The following ARHGAP32 variants were observed in gnomAD, a reference collection of about 807,000 sequenced individuals.
ARHGAP32 encodes Rho GTPase activating protein 32.
Under a neutral mutation model 186.5 loss-of-function variants are expected in ARHGAP32, and 51 were observed. That is an observed-to-expected ratio of 0.27 (90% CI 0.22 to 0.35). The LOEUF (loss-of-function observed/expected upper bound fraction) is 0.35. Ranked by LOEUF, ARHGAP32 falls within the 10% of genes least tolerant of loss-of-function variation. The pLI is 1.00. For missense variants in ARHGAP32, 2,186 were observed against 2,623.5 expected (o/e 0.83, Z 3.64); for synonymous variants, 950 against 964.3 (o/e 0.99, Z 0.27).
chr11:129,177,329 T>A (rs901462795), intron 1 of ARHGAP32, among the ~76,000 whole-genome samples: 1 of 152,054 alleles, frequency 6.6e-6, no homozygotes, highest in South Asian at 2.1e-4. Flanking sequence ...CAGGACCAGA[T>A]GGATTCACAG....
intron 2 of ARHGAP32, among the ~76,000 whole-genome samples, chr11:129,154,643 T>C (rs1463828959): frequency 6.6e-6 from 1 of 152,086 alleles, no homozygotes; most frequent in Non-Finnish European, 1.5e-5. Context: ...GAAAACCAAA[T>C]ACCGTTATGT....
Position 128,972,928 on chromosome 11 carries a change from T to A in ARHGAP32, c.3578A>T (p.His1193Leu). ...AGACTGGTCTTCAGGGAAACTTACA[T>A]GATCATCAGACTTCTCTGAGTCTAA... ...VPLDSEKSDDHVSFPEDQSGK... is the reference protein window; with the variant it reads ...VPLDSEKSDDLVSFPEDQSGK... Residue 1193 changes from histidine to leucine, a missense_variant, in exon 22 of 23, where the codon CAT becomes CTT. This residue lies in a region of ARHGAP32 where 1,502 missense variants were observed against 1,570.0 expected (regional missense o/e 0.96). Transcript: ENST00000682385. 1.2e-5 allele frequency: 19 copies of A among 1,614,056 alleles called. No homozygotes were observed. Among genetic ancestry groups the A allele is most frequent in the Non-Finnish European group, 1.5e-5 (18 of 1,180,020 alleles).
chr11:129,201,438 A>C (rs1020554324), intron 1 of ARHGAP32, among the ~76,000 whole-genome samples: 1 of 152,190 alleles, frequency 6.6e-6, no homozygotes, highest in Non-Finnish European at 1.5e-5. Context: ...GAAAAATACT[A>C]TAACGGTATA....
rs1945228152 is a variant in ARHGAP32, at chr11:128,966,630, T to C, written c.*2277A>G. On this transcript the variant is annotated 3_prime_UTR_variant, in exon 23 of 23. Coordinates refer to ENST00000682385, the MANE Select transcript of ARHGAP32 (RefSeq NM_001378024.1). ...TTCGAGGAATTAACCCTACTATTTA[T>C]AAAATAGGTTTTAGTTTCAGGACTA... The C allele has an allele frequency of 6.6e-6, 1 of 152,180 alleles. No individual in the cohort carries two copies. The highest frequency in any genetic ancestry group is 1.5e-5 in the Non-Finnish European group (1 of 68,020). 9.4% of individuals were successfully genotyped at this position (152,180 alleles called of 1,614,324 possible). A position where few individuals can be genotyped will look rare whatever the true frequency, so the allele number is the denominator to read the frequency against.
chr11:129,177,836 G>C (rs1433927748), intron 1 of ARHGAP32, among the ~76,000 whole-genome samples: 1 of 152,152 alleles, frequency 6.6e-6, no homozygotes, highest in East Asian at 1.9e-4. Flanking sequence ...ATATCATACT[G>C]AATGGGCAAA....
chr11:129,172,601 A>C (rs1943791588), intron 1 of ARHGAP32, among the ~76,000 whole-genome samples: 1 of 152,234 alleles, frequency 6.6e-6, no homozygotes. Flanking sequence ...AATCTCTCAG[A>C]CCACAGTGCA....
In ARHGAP32 at chr11:128,984,681, G is replaced by A. The variant is rs116936316; in HGVS notation, c.1526+1322C>T. On this transcript the variant is annotated intron_variant, in intron 15 of 22. Transcript: ENST00000682385. ...CATGTACATATTAATAGCAGGCAAG[G>A]TATGAAATCCAGGTAGGGCATACAT... Among the ~76,000 whole-genome samples the A allele has an allele frequency of 1.6e-3, 239 of 152,114 alleles. 1 individual carries two copies. Among genetic ancestry groups the A allele is most frequent in the Non-Finnish European group, 2.8e-3 (190 of 67,994 alleles).
chr11:128,994,959 T>C (rs867237546), intron 12 of ARHGAP32, among the ~76,000 whole-genome samples: 1 of 152,184 alleles, frequency 6.6e-6, no homozygotes, highest in Admixed American at 6.5e-5. Context: ...GTTAATTTTT[T>C]TTCTAGTCAT....
intron 5 of ARHGAP32, among the ~76,000 whole-genome samples, chr11:129,104,572 G>T (rs1441374682): frequency 6.6e-6 from 1 of 150,580 alleles, no homozygotes; most frequent in Non-Finnish European, 1.5e-5. Flanking sequence ...AACCTTAAAA[G>T]AAATTAAGAC....
intron 2 of ARHGAP32, among the ~76,000 whole-genome samples, chr11:129,129,203 CTG>C: frequency 7.1e-6 from 1 of 141,488 alleles, no homozygotes; most frequent in African/African-American, 2.6e-5. Flanking sequence ...GCCGCACCGT[CTG>C]GGAAGTGAGG....
chr11:129,173,622 C>T (rs776532097), intron 1 of ARHGAP32, among the ~76,000 whole-genome samples: 27 of 152,280 alleles, frequency 1.8e-4, no homozygotes, highest in Admixed American at 5.2e-4. Context: ...TTATCCACCA[C>T]GATCAAGTCG....
chr11:129,206,815 T>C (rs542187613), intron 1 of ARHGAP32, among the ~76,000 whole-genome samples: 2 of 152,040 alleles, frequency 1.3e-5, no homozygotes, highest in South Asian at 4.2e-4. Context: ...GTAGGTTTGT[T>C]ACATAGGTAT....
At chr11:129,244,037 A>G (rs4245084) in intron 1 of ARHGAP32, among the ~76,000 whole-genome samples, 97,610 of 152,134 alleles carry the variant, frequency 0.64, 31,639 homozygotes, top group Admixed American at 0.75. Flanking sequence ...GGCACAACAG[A>G]AAATAAGAGA....
At position 129,066,715 on chromosome 11, in the gene ARHGAP32, T is replaced by G. The variant is rs575761782; in HGVS notation, c.669+16A>C. The G allele has an allele frequency of 1.2e-6, 2 of 1,608,956 alleles. No homozygotes were observed. Among genetic ancestry groups the G allele is most frequent in the African/African-American group, 1.3e-5 (1 of 74,638 alleles). On this transcript the variant is annotated intron_variant, in intron 7 of 22. Coordinates refer to ENST00000682385, the MANE Select transcript of ARHGAP32 (RefSeq NM_001378024.1). ...ATATAGTGATTACCTCTGTACTAAA[T>G]GTACTAAATGCTTACCTCTGGACTG... is the stretch of plus-strand genomic sequence containing the variant.
intron 11 of ARHGAP32, among the ~76,000 whole-genome samples, chr11:129,008,418 C>G (rs10893948): frequency 0.2 from 30,544 of 151,992 alleles, 3,195 homozygotes; most frequent in African/African-American, 0.22. Context: ...CTAGATAGAA[C>G]ACTAGATGGG....
chr11:128,988,176 C>G, intron 12 of ARHGAP32, 51 bp from the exon 13 acceptor site: 1 of 1,334,134 alleles, frequency 7.5e-7, no homozygotes, highest in Non-Finnish European at 1.0e-6. Context: ...TCACTGGAAC[C>G]AAAGTTGCCA....
In ARHGAP32 at chr11:129,022,849, T is replaced by A. The variant is rs559863325; in HGVS notation, c.1045+18079A>T. 3.7e-4 allele frequency among the ~76,000 whole-genome samples: 56 copies of A among 152,244 alleles called. No individual in the cohort carries two copies. In the South Asian group the frequency reaches 0.01, roughly 28 times the overall value. Reference sequence around the variant, plus strand: ...TGCTCTAATTTTCTTAAATATAAACTTAACCTAAGACATTTTAGATTTCTA... The same window carrying A: ...TGCTCTAATTTTCTTAAATATAAACATAACCTAAGACATTTTAGATTTCTA... On this transcript the variant is annotated intron_variant, in intron 11 of 22. Coordinates refer to ENST00000682385, the MANE Select transcript of ARHGAP32 (RefSeq NM_001378024.1).
At chr11:129,128,889 A>G (rs1345253154) in intron 2 of ARHGAP32, among the ~76,000 whole-genome samples, 2 of 152,084 alleles carry the variant, frequency 1.3e-5, no homozygotes, top group African/African-American at 2.4e-5. Context: ...TCAGTGCTCA[A>G]TGTTGCCCAG....
intron 2 of ARHGAP32, among the ~76,000 whole-genome samples, chr11:129,133,014 G>A (rs979779850): frequency 2.0e-5 from 3 of 152,166 alleles, no homozygotes; most frequent in South Asian, 4.1e-4. Context: ...GTTGGTTCAC[G>A]ATTCCACAGG....
Sources: gnomAD v4.1 joint callset for allele counts (sites outside exome capture counted in the v4.1 genomes callset) on GRCh38, gnomAD v4.1.1 for gene constraint, gnomAD v4.1.1 regional missense constraint, MANE v1.5 for transcripts, NCBI Gene and HGNC (gene_info 2026-07-23, HGNC 2026-07-21) for gene names.